Variants in ALK observed in about 807,000 individuals in gnomAD.
The protein encoded by ALK is ALK receptor tyrosine kinase.
ALK carries 74 observed loss-of-function variants against 163.1 expected under a neutral mutation model. The observed-to-expected ratio is 0.45, with a 90% CI of 0.38 to 0.55. The LOEUF is 0.55. ALK is among the 20% of genes least tolerant of loss of function. The pLI, the probability that ALK is intolerant of heterozygous loss-of-function variation, is 0.00. For missense variants in ALK, 2,063 were observed against 2,105.3 expected (o/e 0.98, Z 0.39); for synonymous variants, 960 against 843.2 (o/e 1.14, Z -2.40).
At chr2:29,756,332 G>T (rs1680529898) in intron 1 of ALK, among the ~76,000 whole-genome samples, 3 of 152,164 alleles carry the variant, frequency 2.0e-5, no homozygotes, top group African/African-American at 4.8e-5. Flanking sequence ...TACTTTGTCA[G>T]TCCTAAGTAT....
intron 5 of ALK, among the ~76,000 whole-genome samples, chr2:29,344,628 T>A (rs56091067): frequency 0.16 from 23,718 of 152,264 alleles, 2,223 homozygotes; most frequent in African/African-American, 0.26. Flanking sequence ...GCATGACCTG[T>A]CAATGCCATG....
chr2:29,466,558 A>G (rs1671219263), intron 4 of ALK, among the ~76,000 whole-genome samples: 1 of 152,218 alleles, frequency 6.6e-6, no homozygotes, highest in Non-Finnish European at 1.5e-5. Flanking sequence ...GAAGTCATTA[A>G]AAAGGGCTCC....
At chr2:29,244,458 G>C (rs1664600924) in intron 12 of ALK, among the ~76,000 whole-genome samples, 1 of 152,192 alleles carries the variant, frequency 6.6e-6, no homozygotes, top group African/African-American at 2.4e-5. Context: ...GGAGGCAGGT[G>C]CTTCTCAGTG....
chr2:29,585,363 G>A (rs1344026904), intron 3 of ALK, among the ~76,000 whole-genome samples: 1 of 150,690 alleles, frequency 6.6e-6, no homozygotes, highest in East Asian at 1.9e-4. Flanking sequence ...TCTTGCTCTT[G>A]TCACCCAAGC....
intron 1 of ALK, among the ~76,000 whole-genome samples, chr2:29,821,324 G>A (rs977027094): frequency 1.2e-4 from 18 of 151,946 alleles, no homozygotes; most frequent in African/African-American, 3.6e-4. Flanking sequence ...CTCTAGCTTG[G>A]TTTTACTCTC....
At chr2:29,287,750 C>G (rs1049015624) in intron 9 of ALK, among the ~76,000 whole-genome samples, 1 of 151,356 alleles carries the variant, frequency 6.6e-6, no homozygotes, top group Non-Finnish European at 1.5e-5. Context: ...GAAAGGATTC[C>G]AAGGCCAGAG....
rs1442742511 is a variant in ALK, at chr2:29,920,076, G to A, written c.584C>T (p.Ala195Val). ...CCTTCCCTCTCTGCCCACTTCCGAC[G>A]CCTTCTTCTCGGGCATCAGGCGGAT... ...LRIRLMPEKKASEVGREGRLS... is the reference protein window; with the variant it reads ...LRIRLMPEKKVSEVGREGRLS... Residue 195 changes from alanine (A) to valine (V), a missense_variant, in exon 1 of 29, where the codon GCG (alanine) becomes GTG (valine). This residue lies in a region of ALK where 987 missense variants were observed against 939.5 expected (regional missense o/e 1.05). Transcript: ENST00000389048. The A allele has an allele frequency of 6.2e-7, 1 of 1,614,160 alleles. No homozygotes were observed. The highest frequency in any genetic ancestry group is 1.1e-5 in the South Asian group (1 of 91,084).
chr2:29,779,500 A>AT (rs1681276782), intron 1 of ALK, among the ~76,000 whole-genome samples: 1 of 152,198 alleles, frequency 6.6e-6, no homozygotes, highest in African/African-American at 2.4e-5. Flanking sequence ...CTGAGTCCGA[A>AT]TTCAAGCCAA....
intron 2 of ALK, among the ~76,000 whole-genome samples, chr2:29,710,252 T>C (rs909468701): frequency 1.3e-5 from 2 of 152,200 alleles, no homozygotes; most frequent in Non-Finnish European, 2.9e-5. Context: ...TCTCAAGCCA[T>C]GTGGAACTGT....
intron 3 of ALK, among the ~76,000 whole-genome samples, chr2:29,605,802 G>A (rs1420805655): frequency 6.6e-6 from 1 of 152,158 alleles, no homozygotes; most frequent in African/African-American, 2.4e-5. Flanking sequence ...CCAGCTTACT[G>A]GCACATCTGA....
In ALK at chr2:29,525,761, A is replaced by AGC. The variant is rs1385455433; in HGVS notation, c.1154+6152_1154+6153dup. On this transcript the variant is annotated intron_variant, in intron 4 of 28. Coordinates refer to ENST00000389048, the MANE Select transcript of ALK (RefSeq NM_004304.5). ...AGCTGAGATCACGCCACTACACTCC[A>AGC]GCCTGGGTGACAAGAGCAAGACTCC... is the stretch of plus-strand genomic sequence containing the variant. Among the ~76,000 whole-genome samples, 3 of 134,206 alleles carry AGC rather than the reference A, an allele frequency of 2.2e-5. No homozygotes were observed. In the Admixed American group the frequency reaches 2.7e-4, roughly 12 times the overall value. 88.0% of individuals were successfully genotyped at this position (134,206 alleles called of 152,430 possible).
rs1419180153 is a variant in ALK at position 29,246,645 on chromosome 2, G to A, written c.2204+4460C>T. Among the ~76,000 whole-genome samples, 1 of 152,152 alleles carries A rather than the reference G, an allele frequency of 6.6e-6. No individual in the cohort carries two copies. The highest frequency in any genetic ancestry group is 1.5e-5 in the Non-Finnish European group (1 of 68,028). On this transcript the variant is annotated intron_variant, in intron 12 of 28. Coordinates refer to ENST00000389048, the MANE Select transcript of ALK (RefSeq NM_004304.5). This position sits in a 1 kb window ranked among gnomAD's most constrained non-coding sequence, Gnocchi z 4.3. ...CCTCAGTCCATGCCAGAGCGTGGAT[G>A]TAGTCCCAGCGTTGCACCCGACCCC... is the stretch of plus-strand genomic sequence containing the variant.
At chr2:29,661,747 T>C (rs1385495069) in intron 3 of ALK, among the ~76,000 whole-genome samples, 1 of 152,128 alleles carries the variant, frequency 6.6e-6, no homozygotes, top group Non-Finnish European at 1.5e-5. Context: ...CACTCTATCC[T>C]CCACTTACAC....
At chr2:29,728,156 C>T (rs1397433968) in intron 1 of ALK, among the ~76,000 whole-genome samples, 1 of 152,216 alleles carries the variant, frequency 6.6e-6, no homozygotes, top group Admixed American at 6.5e-5. Flanking sequence ...ACCAATACTT[C>T]ATGTGTGCCT....
At chr2:29,342,877 CTTTTTTTTTTT>C (rs57838065) in intron 5 of ALK, among the ~76,000 whole-genome samples, 2 of 90,452 alleles carry the variant, frequency 2.2e-5, no homozygotes, top group Admixed American at 1.4e-4. Context: ...GCTCAGTGAT[CTTTTTTTTTTT>C]TTTTTTTTTT....
intron 9 of ALK, among the ~76,000 whole-genome samples, chr2:29,295,834 G>T (rs879629012): frequency 1.3e-5 from 2 of 152,224 alleles, no homozygotes; most frequent in East Asian, 3.9e-4. Context: ...GCTGTGGGTT[G>T]TAAGGGTTGA....
intron 1 of ALK, among the ~76,000 whole-genome samples, chr2:29,803,144 A>G (rs189274066): frequency 2.0e-3 from 304 of 152,298 alleles, no homozygotes; most frequent in African/African-American, 6.9e-3. Flanking sequence ...CTCATTCTCA[A>G]TGAGCTGTGT....
At chr2:29,258,456 G>T (rs1665005832) in intron 11 of ALK, among the ~76,000 whole-genome samples, 1 of 152,148 alleles carries the variant, frequency 6.6e-6, no homozygotes, top group Admixed American at 6.5e-5. Flanking sequence ...TTTATAAAAA[G>T]ATGTTCCCCC....
At chr2:29,214,488 A>G (rs1669548969) in intron 23 of ALK, among the ~76,000 whole-genome samples, 2 of 152,240 alleles carry the variant, frequency 1.3e-5, no homozygotes, top group South Asian at 4.1e-4. Flanking sequence ...TGAGGAAACC[A>G]CAGGGGAATA....
Sources: allele counts gnomAD v4.1 joint callset (sites outside exome capture counted in the v4.1 genomes callset), GRCh38; gene constraint gnomAD v4.1.1; regional missense constraint gnomAD v4.1.1; non-coding constraint Gnocchi (gnomAD v3.1); transcripts MANE v1.5; gene names NCBI Gene and HGNC (gene_info 2026-07-23, HGNC 2026-07-21).